MYO18A: variants seen among roughly 807,000 people sequenced by gnomAD.
The protein encoded by MYO18A is unconventional myosin-XVIIIa.
Under a neutral mutation model 235.8 loss-of-function variants are expected in MYO18A, and 78 were observed. The observed-to-expected ratio is 0.33, with a 90% CI of 0.28 to 0.40. The LOEUF (loss-of-function observed/expected upper bound fraction) is 0.40. Ranked by LOEUF, MYO18A falls within the 10% of genes least tolerant of loss-of-function variation. The probability of loss-of-function intolerance (pLI) is 1.00; values close to 1 mark genes in which losing one functional copy is unlikely to be tolerated. For synonymous variants in MYO18A, 977 were observed against 1,077.8 expected (o/e 0.91, Z 1.83); for missense variants, 2,215 against 2,699.3 (o/e 0.82, Z 3.98).
chr17:29,091,487 CCTT>C, intron 34 of MYO18A: 1 of 375,876 alleles, frequency 2.7e-6, no homozygotes, highest in East Asian at 7.6e-5. Context: ...TGTGTTGGCT[CCTT>C]CTCTGCCCCA....
intron 2 of MYO18A, among the ~76,000 whole-genome samples, chr17:29,134,671 C>G (rs565468815): frequency 3.9e-5 from 6 of 152,040 alleles, no homozygotes; most frequent in African/African-American, 1.4e-4. Flanking sequence ...TACAGGCGCC[C>G]GCTACCACGC....
rs2068116606 is a variant in MYO18A, at chr17:29,158,978, A to AGG, written c.999+6962_999+6963dup. Among the ~76,000 whole-genome samples the AGG allele has an allele frequency of 6.6e-6, 1 of 152,058 alleles. No homozygotes were observed. The highest frequency in any genetic ancestry group is 1.5e-5 in the Non-Finnish European group (1 of 67,990). ...GAAGGGACCATGACAGGAAGAGGCA[A>AGG]GGGCAGGCTACCTTTAAGACCCTGC... is the stretch of plus-strand genomic sequence containing the variant. On this transcript the variant is annotated intron_variant, in intron 2 of 41. Transcript: ENST00000527372. This position sits in a 1 kb window ranked among gnomAD's most constrained non-coding sequence, Gnocchi z 4.3.
At chr17:29,128,089 C>T in intron 2 of MYO18A, 1 of 1,039,034 alleles carries the variant, frequency 9.6e-7, no homozygotes, top group Non-Finnish European at 1.2e-6. Flanking sequence ...TGCCGCGGGC[C>T]TTGTGCTCCT....
chr17:29,154,431 A>T (rs939095566), intron 2 of MYO18A, among the ~76,000 whole-genome samples: 3 of 152,186 alleles, frequency 2.0e-5, no homozygotes, highest in African/African-American at 7.2e-5. Context: ...CTTGTTCAGA[A>T]ATCCTGAGGC....
Position 29,101,625 on chromosome 17 carries a change from TATA to T in MYO18A, c.3508-1866_3508-1864del, listed in dbSNP as rs200824623. Among the ~76,000 whole-genome samples the T allele has an allele frequency of 2.8e-3, 430 of 152,250 alleles. 6 individuals are homozygous for T. The highest frequency in any genetic ancestry group is 0.027 in the Admixed American group (406 of 15,304). On this transcript the variant is annotated intron_variant, in intron 21 of 41. Transcript: ENST00000527372. ...CCTGGCCCCCAGCTGCTTAATTTCATATAATGTGCAAGCCTGAAATCCTGCTGG... is the reference window on the plus strand; with the variant it reads ...CCTGGCCCCCAGCTGCTTAATTTCATATGTGCAAGCCTGAAATCCTGCTGG...
rs1046175569 is a variant in MYO18A, at chr17:29,129,114, C to T, written c.1000-6861G>A. The T allele has an allele frequency of 2.3e-6, 3 of 1,289,392 alleles. 1 individual carries two copies. Among genetic ancestry groups the T allele is most frequent in the Admixed American group, 4.6e-5 (2 of 43,566 alleles). The allele number at this position is 1,289,392 out of a possible 1,614,324, so 79.9% of individuals were successfully genotyped here. ...CCGGGCAGTCAGACCAAGAGCCTACCCATCCTGAAGGAAAAAATGATCAGG... is the reference window on the plus strand; with the variant it reads ...CCGGGCAGTCAGACCAAGAGCCTACTCATCCTGAAGGAAAAAATGATCAGG... On this transcript the variant is annotated intron_variant, in intron 2 of 41. Coordinates refer to ENST00000527372, the MANE Select transcript of MYO18A (RefSeq NM_078471.4).
rs771783083 is a variant in MYO18A at position 29,121,019 on chromosome 17, T to G, written c.1564A>C (p.Ser522Arg). 2 of 1,612,132 alleles carry G rather than the reference T, an allele frequency of 1.2e-6. No individual in the cohort carries two copies. The highest frequency in any genetic ancestry group is 4.5e-5 in the East Asian group (2 of 44,824). The change falls in exon 6 of 42, where the codon AGC (serine) becomes CGC (arginine). Residue 522 changes from serine to arginine, a missense_variant. Ser to Arg is a moderately radical substitution (Grantham distance 110). Transcript: ENST00000527372. The surrounding 1 kb of genome is among the most constrained non-coding windows in gnomAD (Gnocchi z 4.2). ...VQYLATIAGI[S>R]GNKVFSVEKW... Reference sequence around the variant, plus strand: ...TCACCAGAAAACACCTTGTTCCCGCTGATGCCCGCGATGGTGGCCAGGTAC... The same window carrying G: ...TCACCAGAAAACACCTTGTTCCCGCGGATGCCCGCGATGGTGGCCAGGTAC...
intron 20 of MYO18A, among the ~76,000 whole-genome samples, chr17:29,105,987 A>G (rs1050358401): frequency 6.6e-6 from 1 of 152,166 alleles, no homozygotes; most frequent in African/African-American, 2.4e-5. Flanking sequence ...AGGCCGAGTG[A>G]CTGCAGAGTG....
intron 38 of MYO18A, 22 bp downstream of exon 38, chr17:29,086,914 C>A: frequency 6.2e-7 from 1 of 1,601,074 alleles, no homozygotes; most frequent in African/African-American, 1.3e-5. Context: ...ATGTGGGCCC[C>A]GTGGGGGACA....
In MYO18A at chr17:29,121,515, G is replaced by T; in HGVS notation, c.1371+32C>A. ...GAGCCAGGGCAGGGGGTGGGACCAGGAGTCTGCAGGGTAGCCTTGAGGGTG... is the reference window on the plus strand; with the variant it reads ...GAGCCAGGGCAGGGGGTGGGACCAGTAGTCTGCAGGGTAGCCTTGAGGGTG... On this transcript the variant is annotated intron_variant, in intron 5 of 41. Transcript: ENST00000527372. The surrounding 1 kb of genome is among the most constrained non-coding windows in gnomAD (Gnocchi z 4.2). The T allele has an allele frequency of 8.9e-6, 14 of 1,566,206 alleles. No homozygotes were observed. The highest frequency in any genetic ancestry group is 1.2e-5 in the Non-Finnish European group (14 of 1,154,830).
chr17:29,121,552 C>A lies in MYO18A; in HGVS notation c.1366G>T (p.Glu456Ter). The A allele has an allele frequency of 6.2e-7, 1 of 1,601,784 alleles. No individual in the cohort carries two copies. Among genetic ancestry groups the A allele is most frequent in the East Asian group, 2.3e-5 (1 of 44,436 alleles). Residue 456 changes from glutamate (E) to a stop codon, truncating the protein, a stop_gained, in exon 5 of 42, where the codon GAG (glutamate) becomes TAG (stop). Transcript: ENST00000527372. LOFTEE classifies it high-confidence loss of function. This position sits in a 1 kb window ranked among gnomAD's most constrained non-coding sequence, Gnocchi z 4.2. ...TAGCCTTGAGGGTGCTGCACCTTCTCAGAGTACACAGCAGGGGCCCCACGG... is the reference window on the plus strand; with the variant it reads ...TAGCCTTGAGGGTGCTGCACCTTCTAAGAGTACACAGCAGGGGCCCCACGG... ...GPRGAPAVYS[E>*]KVMHMFKGCR...
chr17:29,118,304 C>T lies in MYO18A; in HGVS notation c.1893+73G>A. On this transcript the variant is annotated intron_variant, in intron 9 of 41. Coordinates refer to ENST00000527372, the MANE Select transcript of MYO18A (RefSeq NM_078471.4). This position sits in a 1 kb window ranked among gnomAD's most constrained non-coding sequence, Gnocchi z 4.2. ...AGCTGGAGCTGGGCTCCCACTATTC[C>T]CACAGGACCCATGGAGGCTTCTCCT... 6.4e-7 allele frequency: 1 copy of T among 1,562,568 alleles called. No individual in the cohort carries two copies. Among genetic ancestry groups the T allele is most frequent in the Non-Finnish European group, 8.7e-7 (1 of 1,148,152 alleles).
intron 2 of MYO18A, chr17:29,165,383 C>G (rs2068257144): frequency 6.5e-6 from 1 of 152,804 alleles, no homozygotes; most frequent in African/African-American, 2.4e-5. Flanking sequence ...GCCCAAACCC[C>G]TCACCTGTCC....
chr17:29,082,432 T>A lies in MYO18A; in HGVS notation c.5904A>T (p.Gly1968=), dbSNP rs1303707504. Residue 1968 remains glycine, a synonymous_variant, in exon 41 of 42, where the codon GGA becomes GGT. Transcript: ENST00000527372. ...KYQKRKNKLE[G]DSDVDSELED... ...CCAGCTCCGAGTCCACATCAGAGTC[T>A]CCCTCACTGTAGGGATGAGGAGCAG... 2.5e-6 allele frequency: 4 copies of A among 1,612,852 alleles called. No homozygotes were observed. The East Asian group carries it at 6.7e-5, about 27-fold the overall frequency.
At chr17:29,123,000 G>C (rs969193192) in intron 2 of MYO18A, among the ~76,000 whole-genome samples, 1 of 152,230 alleles carries the variant, frequency 6.6e-6, no homozygotes, top group African/African-American at 2.4e-5. Flanking sequence ...TGGGGGTAGG[G>C]GCAGCCCTGC....
rs990269051 is a variant in MYO18A at position 29,074,593 on chromosome 17, A to C, written c.*177T>G. 2 of 659,718 alleles carry C rather than the reference A, an allele frequency of 3.0e-6. No individual in the cohort carries two copies. The highest frequency in any genetic ancestry group is 5.3e-6 in the Non-Finnish European group (2 of 378,656). The allele number at this position is 659,718 out of a possible 1,614,324, so 40.9% of individuals were successfully genotyped here. ...AACTCCTCTTTCCCCCACCTCTTCC[A>C]CGTGGAGACATCAGACACCCATAGC... On this transcript the variant is annotated 3_prime_UTR_variant, in exon 42 of 42. Coordinates refer to ENST00000527372, the MANE Select transcript of MYO18A (RefSeq NM_078471.4). The surrounding 1 kb of genome is among the most constrained non-coding windows in gnomAD (Gnocchi z 4.4).
In MYO18A at chr17:29,115,387, C is replaced by T; in HGVS notation, c.2282G>A (p.Ser761Asn). The T allele has an allele frequency of 6.2e-7, 1 of 1,613,922 alleles. No individual in the cohort carries two copies. The highest frequency in any genetic ancestry group is 8.5e-7 in the Non-Finnish European group (1 of 1,179,858). Reference sequence around the variant, plus strand: ...GGAGACGAGAAGGGTGAAGAGCTCGCTGTAGAGGCCGGCCGCCATGCCCTC... The same window carrying T: ...GGAGACGAGAAGGGTGAAGAGCTCGTTGTAGAGGCCGGCCGCCATGCCCTC... ...CLEGMAAGLY[S>N]ELFTLLVSLV... The change falls in exon 13 of 42, where the codon AGC becomes AAC. Residue 761 changes from serine to asparagine, a missense_variant. Coordinates refer to ENST00000527372, the MANE Select transcript of MYO18A (RefSeq NM_078471.4).
At chr17:29,164,328 C>T (rs1197921077) in intron 2 of MYO18A, among the ~76,000 whole-genome samples, 1 of 152,208 alleles carries the variant, frequency 6.6e-6, no homozygotes, top group Non-Finnish European at 1.5e-5. Context: ...TCCAGGTCTT[C>T]CACACAGGCC....
At chr17:29,087,758 A>G (rs1326316984) in intron 37 of MYO18A, among the ~76,000 whole-genome samples, 1 of 152,148 alleles carries the variant, frequency 6.6e-6, no homozygotes, top group Admixed American at 6.5e-5. Context: ...TATCCCTAAA[A>G]TAAAAGAGCC....
Sources: allele counts gnomAD v4.1 joint callset (sites outside exome capture counted in the v4.1 genomes callset), GRCh38; gene constraint gnomAD v4.1.1; non-coding constraint Gnocchi (gnomAD v3.1); transcripts MANE v1.5; gene names NCBI Gene and HGNC (gene_info 2026-07-23, HGNC 2026-07-21).